The following DRC11 variants were observed in gnomAD, a reference collection of about 807,000 sequenced individuals.
The protein encoded by DRC11 is dynein regulatory complex subunit 11, also known as IQ and AAA domain-containing protein 1.
chr2:236,413,002 G>T, the DRC11 span: 1 of 152,172 alleles, frequency 6.6e-6, no homozygotes, highest in South Asian at 2.1e-4. This position sits in a 1 kb window ranked among gnomAD's most constrained non-coding sequence, Gnocchi z 4.0. Context: ...GGAGATGTGG[G>T]CAGACTTGGG....
chr2:236,488,093 C>T, the DRC11 span: 1 of 1,610,054 alleles, frequency 6.2e-7, no homozygotes, highest in South Asian at 1.1e-5. Context: ...GATAGATTTG[C>T]TTCATGAATA....
At chr2:236,343,286 T>C in the DRC11 span, among the ~76,000 whole-genome samples, 1 of 152,192 alleles carries the variant, frequency 6.6e-6, no homozygotes, top group East Asian at 1.9e-4. The surrounding 1 kb of genome is among the most constrained non-coding windows in gnomAD (Gnocchi z 6.6). Flanking sequence ...AACATTCCCG[T>C]TCCCCTTGCT....
chr2:236,443,037 A>G, the DRC11 span, among the ~76,000 whole-genome samples: 1 of 152,200 alleles, frequency 6.6e-6, no homozygotes, highest in Non-Finnish European at 1.5e-5. This position sits in a 1 kb window ranked among gnomAD's most constrained non-coding sequence, Gnocchi z 4.4. Context: ...ACGTTTTGGT[A>G]TGCAGCAGAA....
At chr2:236,416,461 C>T in the DRC11 span, among the ~76,000 whole-genome samples, 1 of 151,828 alleles carries the variant, frequency 6.6e-6, no homozygotes, top group African/African-American at 2.4e-5. Flanking sequence ...CCCAACTCAG[C>T]ATCTACTGCC....
chr2:236,326,469 C>T, the DRC11 span, among the ~76,000 whole-genome samples: 1 of 152,150 alleles, frequency 6.6e-6, no homozygotes, highest in Non-Finnish European at 1.5e-5. Context: ...GCTCTTTGAT[C>T]ATGTTTAGTT....
chr2:236,309,570 C>T, the DRC11 span, among the ~76,000 whole-genome samples: 1 of 152,186 alleles, frequency 6.6e-6, no homozygotes, highest in African/African-American at 2.4e-5. This position sits in a 1 kb window ranked among gnomAD's most constrained non-coding sequence, Gnocchi z 5.7. Context: ...CATTTACTTA[C>T]TGGAAATGGC....
the DRC11 span, chr2:236,408,848 A>T: frequency 1.5e-6 from 1 of 655,980 alleles, no homozygotes; most frequent in South Asian, 1.6e-5. The surrounding 1 kb of genome is among the most constrained non-coding windows in gnomAD (Gnocchi z 5.5). Flanking sequence ...TCTCCACAAT[A>T]GTCACAGCCT....
chr2:236,497,319 G>A, the DRC11 span: 9 of 1,613,764 alleles, frequency 5.6e-6, no homozygotes, highest in African/African-American at 5.3e-5. This position sits in a 1 kb window ranked among gnomAD's most constrained non-coding sequence, Gnocchi z 5.1. Flanking sequence ...CGAACTGGTC[G>A]TAGACATTCT....
chr2:236,360,204 A>G, the DRC11 span, among the ~76,000 whole-genome samples: 1 of 152,192 alleles, frequency 6.6e-6, no homozygotes, highest in East Asian at 1.9e-4. This position sits in a 1 kb window ranked among gnomAD's most constrained non-coding sequence, Gnocchi z 5.8. Context: ...GAGCGGCCGT[A>G]TAATGCAGTT....
the DRC11 span, chr2:236,412,740 T>A: frequency 2.0e-5 from 3 of 152,220 alleles, no homozygotes; most frequent in Non-Finnish European, 4.4e-5. Flanking sequence ...TCTTTTTATA[T>A]CCAGTACTTT....
At chr2:236,409,267 G>A in the DRC11 span, among the ~76,000 whole-genome samples, 1 of 152,158 alleles carries the variant, frequency 6.6e-6, no homozygotes, top group African/African-American at 2.4e-5. Context: ...ATCATGCCTG[G>A]CTAATTTTAT....
At chr2:236,447,481 C>G in the DRC11 span, among the ~76,000 whole-genome samples, 192 of 148,340 alleles carry the variant, frequency 1.3e-3, 5 homozygotes, top group African/African-American at 4.7e-3. The surrounding 1 kb of genome is among the most constrained non-coding windows in gnomAD (Gnocchi z 4.6). Context: ...ACAGCATCAG[C>G]CACATGATGG....
the DRC11 span, among the ~76,000 whole-genome samples, chr2:236,374,690 GTAT>G: frequency 7.2e-5 from 11 of 151,754 alleles, no homozygotes; most frequent in African/African-American, 2.7e-4. Flanking sequence ...GTTTTTATTT[GTAT>G]TATTATTATT....
At chr2:236,408,187 T>C in the DRC11 span, 1 of 744,850 alleles carries the variant, frequency 1.3e-6, no homozygotes. This position sits in a 1 kb window ranked among gnomAD's most constrained non-coding sequence, Gnocchi z 5.5. Context: ...CAGTTTGTCG[T>C]CCTTGATAAG....
the DRC11 span, chr2:236,331,290 A>C: frequency 5.5e-6 from 6 of 1,090,794 alleles, no homozygotes; most frequent in South Asian, 1.3e-5. The surrounding 1 kb of genome is among the most constrained non-coding windows in gnomAD (Gnocchi z 4.8). Flanking sequence ...AACCCACGGA[A>C]CTGCAGAGGG....
the DRC11 span, among the ~76,000 whole-genome samples, chr2:236,340,793 A>T: frequency 6.6e-6 from 1 of 152,202 alleles, no homozygotes; most frequent in East Asian, 1.9e-4. Context: ...GAAATGAATC[A>T]GCCTATCTGG....
the DRC11 span, among the ~76,000 whole-genome samples, chr2:236,372,750 C>T: frequency 6.6e-6 from 1 of 152,144 alleles, no homozygotes; most frequent in African/African-American, 2.4e-5. The surrounding 1 kb of genome is among the most constrained non-coding windows in gnomAD (Gnocchi z 4.5). Flanking sequence ...GCTGGGACTA[C>T]AGGTGTGTGT....
At chr2:236,408,558 A>T in the DRC11 span, 1 of 727,468 alleles carries the variant, frequency 1.4e-6, no homozygotes, top group African/African-American at 1.7e-5. This position sits in a 1 kb window ranked among gnomAD's most constrained non-coding sequence, Gnocchi z 5.5. Context: ...TCTGGCGTGG[A>T]GGAAGCAGGT....
the DRC11 span, chr2:236,441,008 A>G: frequency 5.5e-6 from 7 of 1,266,952 alleles, no homozygotes; most frequent in South Asian, 1.3e-5. Context: ...CATTTGATAT[A>G]TTTACATTTT....
Sources: allele counts gnomAD v4.1 joint callset (sites outside exome capture counted in the v4.1 genomes callset), GRCh38; gene constraint gnomAD v4.1.1; non-coding constraint Gnocchi (gnomAD v3.1); transcripts MANE v1.5; gene names NCBI Gene and HGNC (gene_info 2026-07-23, HGNC 2026-07-21).